Variants in SMURF2 observed in about 807,000 individuals in gnomAD.
SMURF2 encodes SMAD specific E3 ubiquitin protein ligase 2, also known as E3 ubiquitin-protein ligase SMURF2.
A neutral mutation model predicts 109.6 loss-of-function variants in SMURF2; 48 were observed. That is an observed-to-expected ratio of 0.44 (90% confidence interval 0.35 to 0.56). The LOEUF is 0.56. Among genes scored for constraint, SMURF2 ranks in the 20% least tolerant of loss-of-function variants. SMURF2 has a pLI of 0.01. For missense variants in SMURF2, 575 were observed against 909.0 expected (o/e 0.63, Z 4.72); for synonymous variants, 288 against 317.1 (o/e 0.91, Z 0.97).
At chr17:64,655,676 C>G (rs1970696291) in intron 1 of SMURF2, among the ~76,000 whole-genome samples, 1 of 151,944 alleles carries the variant, frequency 6.6e-6, no homozygotes, top group Non-Finnish European at 1.5e-5. Context: ...CACTTGAGGT[C>G]AGGAGTTCGA....
intron 13 of SMURF2, 31 bp from the exon 14 acceptor site, chr17:64,556,029 A>T: frequency 6.7e-7 from 1 of 1,489,442 alleles, no homozygotes; most frequent in Non-Finnish European, 9.1e-7. Flanking sequence ...TATACTCGTT[A>T]GGCACTACCC....
At chr17:64,587,569 AAAT>A (rs1456458997) in intron 5 of SMURF2, among the ~76,000 whole-genome samples, 1 of 152,220 alleles carries the variant, frequency 6.6e-6, no homozygotes, top group Non-Finnish European at 1.5e-5. Flanking sequence ...CCAACTTCTT[AAAT>A]AATAGGTCAG....
intron 1 of SMURF2, among the ~76,000 whole-genome samples, chr17:64,647,983 G>A (rs1407529160): frequency 7.1e-6 from 1 of 140,348 alleles, no homozygotes; most frequent in African/African-American, 2.6e-5. Flanking sequence ...TTGAGCCTAG[G>A]AGTTCCAGGC....
chr17:64,555,255 G>C (rs1023477223), intron 14 of SMURF2, among the ~76,000 whole-genome samples: 4 of 152,118 alleles, frequency 2.6e-5, no homozygotes, highest in African/African-American at 9.7e-5. Flanking sequence ...ACCAATATAG[G>C]ACAATTTCAG....
intron 13 of SMURF2, among the ~76,000 whole-genome samples, 166 bp downstream of exon 13, chr17:64,557,442 A>G (rs923082763): frequency 3.9e-5 from 6 of 152,212 alleles, no homozygotes; most frequent in Admixed American, 6.5e-5. Context: ...AAATTGGTGC[A>G]TATATCCATA....
intron 1 of SMURF2, among the ~76,000 whole-genome samples, chr17:64,625,802 G>A (rs1396380247): frequency 2.0e-5 from 3 of 152,144 alleles, no homozygotes; most frequent in African/African-American, 7.2e-5. Flanking sequence ...GAAAACCACG[G>A]CCTTAAATAA....
At chr17:64,598,806 G>A (rs1282376977) in intron 2 of SMURF2, among the ~76,000 whole-genome samples, 1 of 152,118 alleles carries the variant, frequency 6.6e-6, no homozygotes, top group Non-Finnish European at 1.5e-5. Flanking sequence ...GGTCATGAAT[G>A]GTTACATGAA....
chr17:64,615,096 G>A (rs1970102925), intron 1 of SMURF2, among the ~76,000 whole-genome samples: 1 of 152,192 alleles, frequency 6.6e-6, no homozygotes, highest in Non-Finnish European at 1.5e-5. Context: ...TGTAGAAAGA[G>A]AATGCTATGC....
intron 1 of SMURF2, among the ~76,000 whole-genome samples, chr17:64,626,908 A>G (rs1970275179): frequency 6.6e-6 from 1 of 150,930 alleles, no homozygotes; most frequent in African/African-American, 2.4e-5. Context: ...AAACTATCAC[A>G]TGAAGGACAT....
chr17:64,549,262 CAAAAAAAAAA>C (rs577973821), intron 16 of SMURF2, among the ~76,000 whole-genome samples: 16 of 41,572 alleles, frequency 3.8e-4, no homozygotes, highest in African/African-American at 1.0e-3. Flanking sequence ...ACTGTGTCTC[CAAAAAAAAAA>C]AAAAAAAAAA....
At chr17:64,560,262 C>T (rs1394495532) in intron 12 of SMURF2, among the ~76,000 whole-genome samples, 1 of 152,038 alleles carries the variant, frequency 6.6e-6, no homozygotes, top group Non-Finnish European at 1.5e-5. Context: ...TTGATCTATA[C>T]ATATAATTAT....
At chr17:64,546,153 C>T in intron 18 of SMURF2, 110 bp downstream of exon 18, 3 of 1,128,632 alleles carry the variant, frequency 2.7e-6, no homozygotes, top group Non-Finnish European at 3.9e-6. Context: ...TTATCATTCC[C>T]TTTAAAGGCC....
In SMURF2 at chr17:64,598,509, T is replaced by C; in HGVS notation, c.92-19A>G. ...GGAAGTCCTGTGAAAAAAGATTTTC[T>C]AAAATTAATAATTTGACATTTAAGA... On this transcript the variant is annotated intron_variant, in intron 2 of 18. Transcript: ENST00000262435. 6.4e-7 allele frequency: 1 copy of C among 1,567,540 alleles called. No homozygotes were observed. Among genetic ancestry groups the C allele is most frequent in the Non-Finnish European group, 8.7e-7 (1 of 1,152,528 alleles).
chr17:64,596,546 G>A (rs1969819610), intron 3 of SMURF2, among the ~76,000 whole-genome samples: 1 of 76,976 alleles, frequency 1.3e-5, no homozygotes, highest in South Asian at 4.0e-4. Context: ...TTCTCAAAAT[G>A]ACAATGGAAG....
At chr17:64,566,591 T>TTTTTTTTTTTTTG (rs1969314957) in intron 10 of SMURF2, among the ~76,000 whole-genome samples, 1 of 127,972 alleles carries the variant, frequency 7.8e-6, no homozygotes, top group Non-Finnish European at 1.7e-5. Context: ...TTTTTTTTTT[T>TTTTTTTTTTTTTG]GAGACAGTCT....
At chr17:64,558,803 T>C (rs1221289449) in intron 12 of SMURF2, among the ~76,000 whole-genome samples, 1 of 152,230 alleles carries the variant, frequency 6.6e-6, no homozygotes, top group South Asian at 2.1e-4. Context: ...ACTTTGGAAA[T>C]TCACTAGTCT....
At chr17:64,649,346 A>T (rs370848341) in intron 1 of SMURF2, among the ~76,000 whole-genome samples, 1 of 152,122 alleles carries the variant, frequency 6.6e-6, no homozygotes. Context: ...TGAAAGCGCC[A>T]GCATGCTACA....
intron 9 of SMURF2, among the ~76,000 whole-genome samples, chr17:64,573,546 C>T (rs1400284181): frequency 2.0e-5 from 3 of 151,974 alleles, no homozygotes; most frequent in East Asian, 1.9e-4. Context: ...GAAAAAACAC[C>T]ATTTGAAACA....
chr17:64,651,176 G>A (rs375276118), intron 1 of SMURF2, among the ~76,000 whole-genome samples: 4 of 151,916 alleles, frequency 2.6e-5, no homozygotes, highest in East Asian at 3.9e-4. Flanking sequence ...CAGCCTGGGC[G>A]ACATAGCAAG....
Sources: allele counts gnomAD v4.1 joint callset (sites outside exome capture counted in the v4.1 genomes callset), GRCh38; gene constraint gnomAD v4.1.1; transcripts MANE v1.5; gene names NCBI Gene and HGNC (gene_info 2026-07-23, HGNC 2026-07-21).